SCART1: variants seen among roughly 807,000 people sequenced by gnomAD.
The protein encoded by SCART1 is scavenger receptor family member expressed on T cells 1, also known as scavenger receptor cysteine-rich domain-containing protein SCART1.
In SCART1, 62 loss-of-function variants were observed where a neutral mutation model predicts 36.2. The ratio of observed to expected loss-of-function variants is 1.71; its 90% CI spans 1.40 to 2.12. The LOEUF (loss-of-function observed/expected upper bound fraction) is 2.12. SCART1 is among the 30% of genes most tolerant of loss of function. The probability of loss-of-function intolerance (pLI) is 0.00; values close to 1 mark genes in which losing one functional copy is unlikely to be tolerated. For missense variants in SCART1, 1,041 were observed against 540.5 expected (o/e 1.93, Z -9.18); for synonymous variants, 487 against 238.7 (o/e 2.04, Z -9.59).
At chr10:133,460,496 A>ATATTT in intron 6 of SCART1, among the ~76,000 whole-genome samples, 1 of 136,016 alleles carries the variant, frequency 7.4e-6, no homozygotes, top group East Asian at 2.1e-4. Flanking sequence ...ATATTTATAT[A>ATATTT]TTTTAAAAAA....
Position 133,464,931 on chromosome 10 carries a change from G to C in SCART1, c.2275+20G>C. 1 of 702,968 alleles carries C rather than the reference G, an allele frequency of 1.4e-6. No individual in the cohort carries two copies. The highest frequency in any genetic ancestry group is 1.5e-5 in the South Asian group (1 of 67,588). 43.5% of individuals were successfully genotyped at this position (702,968 alleles called of 1,614,324 possible). On this transcript the variant is annotated intron_variant, in intron 7 of 11. Transcript: ENST00000640237. ...GAGCAGGTCTGGATTACCTGTGCAGGTGGGCATTAGAGGTCTCTGGGGGTG... is the reference window on the plus strand; with the variant it reads ...GAGCAGGTCTGGATTACCTGTGCAGCTGGGCATTAGAGGTCTCTGGGGGTG...
chr10:133,456,134 CGCT>C, intron 1 of SCART1, 100 bp from the exon 2 acceptor site: 1 of 635,876 alleles, frequency 1.6e-6, no homozygotes, highest in Non-Finnish European at 2.9e-6. Flanking sequence ...GAGCCCGACT[CGCT>C]GCTGAGGCCT....
rs558163911 is a variant in SCART1, at chr10:133,459,925, G to T, written c.1724G>T (p.Gly575Val). The change falls in exon 6 of 12, where the codon GGC becomes GTC. Residue 575 changes from glycine to valine, a missense_variant. Physicochemically the swap from Gly to Val is moderately radical, Grantham distance 109. Transcript: ENST00000640237. ...CGCGGGGCCGGGGCGCTGCACGGGG[G>T]CGCGTGGGGCACCGTGTGTGACGAT... The T allele has an allele frequency of 2.8e-5, 15 of 542,106 alleles. No homozygotes were observed. In the South Asian group the frequency reaches 3.6e-4, roughly 13 times the overall value. The allele number at this position is 542,106 out of a possible 1,614,324, so 33.6% of individuals were successfully genotyped here.
exon 9 of SCART1, chr10:133,465,282 G>C: frequency 1.5e-6 from 1 of 687,314 alleles, no homozygotes. Flanking sequence ...GCGGGGGCGA[G>C]GACCGCTGCT....
exon 9 of SCART1, chr10:133,465,396 T>G (rs1850753812): frequency 1.6e-6 from 1 of 627,840 alleles, no homozygotes; most frequent in East Asian, 3.1e-5. Flanking sequence ...TGGGCTGTGG[T>G]CGGGCCGTCG....
chr10:133,458,320 A>C (rs1850645184), intron 3 of SCART1, 40 bp from the exon 4 acceptor site: 1 of 702,322 alleles, frequency 1.4e-6, no homozygotes, highest in Admixed American at 2.0e-5. Flanking sequence ...TGTTGACCTG[A>C]GAACACCTGT....
At chr10:133,465,535 C>T in exon 9 of SCART1, 1 of 529,538 alleles carries the variant, frequency 1.9e-6, no homozygotes. Flanking sequence ...AGACCGCGCG[C>T]ACGAGGAGGA....
In SCART1 at chr10:133,459,478, C is replaced by T. The variant is rs998861343; in HGVS notation, c.1286-9C>T. 3 of 629,998 alleles carry T rather than the reference C, an allele frequency of 4.8e-6. No individual in the cohort carries two copies. The highest frequency in any genetic ancestry group is 8.5e-6 in the Non-Finnish European group (3 of 351,308). The allele number at this position is 629,998 out of a possible 1,614,324, so 39.0% of individuals were successfully genotyped here. ...GACATCTTGGGCCCCTGTGCGTCCCCATCCCCAGGTCTGGCCCACGCCCTG... is the reference window on the plus strand; with the variant it reads ...GACATCTTGGGCCCCTGTGCGTCCCTATCCCCAGGTCTGGCCCACGCCCTG... On this transcript the variant is annotated splice_polypyrimidine_tract_variant and intron_variant, in intron 5 of 11. Coordinates refer to ENST00000640237, the Ensembl canonical transcript of SCART1.
At chr10:133,456,154 C>T (rs908198709) in intron 1 of SCART1, 83 bp from the exon 2 acceptor site, 2 of 649,650 alleles carry the variant, frequency 3.1e-6, no homozygotes, top group Admixed American at 4.3e-5. Flanking sequence ...GCCTCACAGG[C>T]CGTTCCCTGC....
At chr10:133,456,816 G>A (rs1010179935) in intron 2 of SCART1, among the ~76,000 whole-genome samples, 3 of 152,218 alleles carry the variant, frequency 2.0e-5, no homozygotes, top group Admixed American at 6.5e-5. Flanking sequence ...CGGCCCAGGC[G>A]TGGGGGAGGC....
At chr10:133,466,448 C>T (rs1850767165) in intron 10 of SCART1, 67 bp downstream of exon 10, 2 of 675,788 alleles carry the variant, frequency 3.0e-6, no homozygotes, top group Non-Finnish European at 5.4e-6. Flanking sequence ...ACAGCTCCAG[C>T]CTGGTGTTGG....
chr10:133,454,392 C>T (rs1850583779), intron 1 of SCART1, among the ~76,000 whole-genome samples: 1 of 151,972 alleles, frequency 6.6e-6, no homozygotes. Flanking sequence ...GCGGGGGCTG[C>T]TCCATCCACG....
intron 6 of SCART1, 58 bp downstream of exon 6, chr10:133,460,228 A>T: frequency 2.4e-6 from 1 of 422,078 alleles, no homozygotes; most frequent in Non-Finnish European, 4.2e-6. Context: ...AGTCATGCGC[A>T]CTTGCTTTCC....
chr10:133,458,912 G>A, intron 4 of SCART1, 109 bp from the exon 5 acceptor site: 1 of 623,480 alleles, frequency 1.6e-6, no homozygotes, highest in Non-Finnish European at 2.9e-6. Flanking sequence ...GTGAGACCAA[G>A]GCTGGGCTCT....
At chr10:133,460,093 C>T (rs1425485881) in exon 6 of SCART1, 11 of 519,550 alleles carry the variant, frequency 2.1e-5, no homozygotes, top group South Asian at 1.4e-4. Flanking sequence ...CACGAGTCTG[C>T]GCTGTGGCAG....
At chr10:133,462,124 G>A (rs1024065151) in intron 6 of SCART1, among the ~76,000 whole-genome samples, 8 of 152,210 alleles carry the variant, frequency 5.3e-5, no homozygotes, top group Non-Finnish European at 7.3e-5. Flanking sequence ...CGGGTGGGGC[G>A]GGGCACTCGT....
In SCART1 at chr10:133,458,543, C is replaced by T. The variant is rs906410999; in HGVS notation, c.866C>T (p.Pro289Leu). The T allele has an allele frequency of 3.4e-5, 23 of 676,732 alleles. No homozygotes were observed. The East Asian group carries it at 3.8e-4, about 11-fold the overall frequency. 41.9% of individuals were successfully genotyped at this position (676,732 alleles called of 1,614,324 possible). Residue 289 changes from proline (P) to leucine (L), a missense_variant, in exon 4 of 12, where the codon CCG becomes CTG. Pro to Leu is a moderately conservative substitution (Grantham distance 98, BLOSUM62 -3). Transcript: ENST00000640237. Reference sequence around the variant, plus strand: ...GCCCGCTTCGGCCGGGGCTCGGGGCCGGTGTGGACGGAGGCCTTCCGCTGT... The same window carrying T: ...GCCCGCTTCGGCCGGGGCTCGGGGCTGGTGTGGACGGAGGCCTTCCGCTGT...
chr10:133,456,127 C>T (rs1382203085), intron 1 of SCART1, 110 bp from the exon 2 acceptor site: 4 of 634,444 alleles, frequency 6.3e-6, no homozygotes, highest in Non-Finnish European at 1.1e-5. Context: ...GTGAGAGGAG[C>T]CCGACTCGCT....
chr10:133,459,726 C>T (rs1366164523), exon 6 of SCART1: 7 of 699,944 alleles, frequency 1.0e-5, no homozygotes, highest in Admixed American at 4.0e-5. Flanking sequence ...CACCGAAACC[C>T]GCCTGACTCA....
Sources: allele counts gnomAD v4.1 joint callset (sites outside exome capture counted in the v4.1 genomes callset), GRCh38; gene constraint gnomAD v4.1.1; transcripts MANE v1.5; gene names NCBI Gene and HGNC (gene_info 2026-07-23, HGNC 2026-07-21).